MACROD2: variants seen among roughly 807,000 people sequenced by gnomAD.
The protein encoded by MACROD2 is ADP-ribose glycohydrolase MACROD2.
In MACROD2, 36 loss-of-function variants were observed where a neutral mutation model predicts 70.4. That is an observed-to-expected ratio of 0.51 (90% CI 0.39 to 0.68). MACROD2 has a LOEUF of 0.68. Ranked by LOEUF, MACROD2 falls within the 30% of genes least tolerant of loss-of-function variation. The probability of loss-of-function intolerance (pLI) is 0.00; values close to 1 mark genes in which losing one functional copy is unlikely to be tolerated. For synonymous variants in MACROD2, 172 were observed against 178.8 expected, an observed-to-expected ratio of 0.96 and a Z score of 0.30; for missense variants, 496 against 538.4, an observed-to-expected ratio of 0.92 and a Z score of 0.78.
chr20:15,373,195 T>C (rs1343660339), intron 6 of MACROD2, among the ~76,000 whole-genome samples: 4 of 152,358 alleles, frequency 2.6e-5, no homozygotes, highest in East Asian at 3.9e-4. Context: ...GCCATGTTTC[T>C]ATAAATGTAC....
At chr20:15,112,950 CTGTGTGTG>C (rs11467446) in intron 5 of MACROD2, among the ~76,000 whole-genome samples, 24 of 146,110 alleles carry the variant, frequency 1.6e-4, no homozygotes, top group Admixed American at 1.0e-3. Context: ...TAATATTTCA[CTGTGTGTG>C]TGTGTGTGTG....
chr20:14,114,450 CAG>C (rs753443459), intron 3 of MACROD2, among the ~76,000 whole-genome samples: 12 of 152,192 alleles, frequency 7.9e-5, no homozygotes, highest in East Asian at 7.7e-4. Context: ...TAAAAGATGA[CAG>C]AGTGATTGAT....
In MACROD2 at chr20:15,337,178, G is replaced by A. The variant is rs1439175961; in HGVS notation, c.541-94227G>A. 3.4e-4 allele frequency among the ~76,000 whole-genome samples: 52 copies of A among 151,746 alleles called. 1 individual carries two copies. Among genetic ancestry groups the A allele is most frequent in the Non-Finnish European group, 1.5e-5 (1 of 68,024 alleles). On this transcript the variant is annotated intron_variant, in intron 6 of 17. Transcript: ENST00000684519. Reference sequence around the variant, plus strand: ...TTTGAAGAGCTTTACAAAATATGCTGAGTATTCTCAAAAATCAAATCAGAT... The same window carrying A: ...TTTGAAGAGCTTTACAAAATATGCTAAGTATTCTCAAAAATCAAATCAGAT...
At chr20:15,044,967 CT>C (rs1278772630) in intron 5 of MACROD2, among the ~76,000 whole-genome samples, 5 of 152,042 alleles carry the variant, frequency 3.3e-5, no homozygotes, top group African/African-American at 1.2e-4. Flanking sequence ...GCATCTGAAC[CT>C]TATGTCAATG....
chr20:15,308,799 G>T (rs2077723424), intron 6 of MACROD2, among the ~76,000 whole-genome samples: 1 of 152,146 alleles, frequency 6.6e-6, no homozygotes, highest in Non-Finnish European at 1.5e-5. Flanking sequence ...GCTCTCTCCA[G>T]CCCGGCTTTC....
At chr20:15,713,557 AAG>A (rs2050659605) in intron 8 of MACROD2, among the ~76,000 whole-genome samples, 2 of 137,894 alleles carry the variant, frequency 1.5e-5, no homozygotes, top group African/African-American at 5.2e-5. Context: ...GAGAGAGAGA[AAG>A]AGGAGGTGCT....
intron 4 of MACROD2, among the ~76,000 whole-genome samples, chr20:14,595,076 T>C (rs1459297150): frequency 6.6e-6 from 1 of 152,198 alleles, no homozygotes; most frequent in East Asian, 1.9e-4. Context: ...TGTTTTATAT[T>C]CAGCTTTGTT....
At chr20:14,025,418 G>C (rs931234077) in intron 2 of MACROD2, among the ~76,000 whole-genome samples, 1 of 151,938 alleles carries the variant, frequency 6.6e-6, no homozygotes, top group South Asian at 2.1e-4. Context: ...TTTTGAATTT[G>C]TTTGCTCTTG....
chr20:14,880,322 A>G (rs2073596766), intron 5 of MACROD2, among the ~76,000 whole-genome samples: 1 of 152,326 alleles, frequency 6.6e-6, no homozygotes, highest in South Asian at 2.1e-4. Context: ...ATTTCATGTG[A>G]CAATTCAAAG....
At chr20:14,824,114 T>C (rs1040110487) in intron 5 of MACROD2, among the ~76,000 whole-genome samples, 6 of 152,124 alleles carry the variant, frequency 3.9e-5, no homozygotes, top group African/African-American at 1.2e-4. Context: ...TAATCATATG[T>C]CTGGTGACTT....
At chr20:14,087,740 T>A (rs2054096323) in intron 3 of MACROD2, among the ~76,000 whole-genome samples, 1 of 152,170 alleles carries the variant, frequency 6.6e-6, no homozygotes, top group Non-Finnish European at 1.5e-5. Flanking sequence ...AGAAAGGGTC[T>A]CAGGAAGTCC....
chr20:14,222,429 A>G (rs1298687360), intron 3 of MACROD2, among the ~76,000 whole-genome samples: 1 of 152,168 alleles, frequency 6.6e-6, no homozygotes, highest in Non-Finnish European at 1.5e-5. Context: ...AGTGAGACCT[A>G]AATAATGTGT....
intron 5 of MACROD2, among the ~76,000 whole-genome samples, chr20:14,978,992 C>T (rs111654664): frequency 0.015 from 2,166 of 147,458 alleles, 59 homozygotes; most frequent in African/African-American, 0.051. Context: ...TGCTCTGTCA[C>T]CTAGGCTGAA....
intron 4 of MACROD2, among the ~76,000 whole-genome samples, chr20:14,525,690 G>A (rs902556793): frequency 9.2e-5 from 14 of 152,208 alleles, no homozygotes; most frequent in Non-Finnish European, 2.1e-4. Flanking sequence ...TTAGAGAGAA[G>A]CAGTGCCCTA....
At chr20:15,820,399 C>T (rs1005026686) in intron 8 of MACROD2, among the ~76,000 whole-genome samples, 1 of 152,116 alleles carries the variant, frequency 6.6e-6, no homozygotes, top group Admixed American at 6.6e-5. Flanking sequence ...ACCATGTTGC[C>T]TAGGCTGGTC....
chr20:15,097,085 T>G (rs900847426), intron 5 of MACROD2, among the ~76,000 whole-genome samples: 2 of 152,188 alleles, frequency 1.3e-5, no homozygotes, highest in Non-Finnish European at 2.9e-5. Context: ...GTGCTTGGAT[T>G]ACAGGCATGA....
chr20:15,250,216 G>A (rs2077143050), intron 6 of MACROD2, among the ~76,000 whole-genome samples: 1 of 152,094 alleles, frequency 6.6e-6, no homozygotes, highest in Non-Finnish European at 1.5e-5. Flanking sequence ...ACAGCTTAAG[G>A]TGCACTTCTG....
chr20:15,803,649 T>G (rs2063745116), intron 8 of MACROD2, among the ~76,000 whole-genome samples: 1 of 152,204 alleles, frequency 6.6e-6, no homozygotes, highest in African/African-American at 2.4e-5. Context: ...TTGTCTCTAC[T>G]GTTCTATCTT....
At chr20:15,168,125 T>C (rs2076397916) in intron 5 of MACROD2, among the ~76,000 whole-genome samples, 2 of 152,128 alleles carry the variant, frequency 1.3e-5, no homozygotes, top group African/African-American at 4.8e-5. Flanking sequence ...GTGTTTATGT[T>C]ACTAGCAAAG....
Sources: allele counts gnomAD v4.1 joint callset (sites outside exome capture counted in the v4.1 genomes callset), GRCh38; gene constraint gnomAD v4.1.1; transcripts MANE v1.5; gene names NCBI Gene and HGNC (gene_info 2026-07-23, HGNC 2026-07-21).